The following TOP1 variants were observed in gnomAD, a reference collection of about 807,000 sequenced individuals.
TOP1 encodes the protein DNA topoisomerase 1.
TOP1 carries 10 observed loss-of-function variants against 111.1 expected under a neutral mutation model. The observed-to-expected ratio is 0.09, with a 90% CI of 0.06 to 0.15. TOP1 has a LOEUF of 0.15. TOP1 is among the 10% of genes least tolerant of loss of function. TOP1 has a pLI of 1.00. For missense variants in TOP1, 474 were observed against 926.7 expected (o/e 0.51, Z 6.34); for synonymous variants, 271 against 302.9 (o/e 0.89, Z 1.10).
chr20:41,072,523 TC>T, intron 3 of TOP1: 9 of 985,448 alleles, frequency 9.1e-6, no homozygotes, highest in Non-Finnish European at 9.6e-6. Context: ...TTTCTGACTT[TC>T]CTGGCACAGC....
rs145954716 is a variant in TOP1 at position 41,080,910 on chromosome 20, A to G, written c.432-255A>G. 1.5e-3 allele frequency among the ~76,000 whole-genome samples: 225 copies of G among 151,950 alleles called. 4 individuals are homozygous for G. The highest frequency in any genetic ancestry group is 0.013 in the East Asian group (67 of 5,178). ...CTGATAATGATATTTATTTCTGCAT[A>G]TATCCCCCCACCCTATTTTGCTTCC... is the stretch of plus-strand genomic sequence containing the variant. On this transcript the variant is annotated intron_variant, in intron 6 of 20. Coordinates refer to ENST00000361337, the MANE Select transcript of TOP1 (RefSeq NM_003286.4). The surrounding 1 kb of genome is among the most constrained non-coding windows in gnomAD (Gnocchi z 5.0).
chr20:41,076,419 A>G (rs2033728174), intron 4 of TOP1, 125 bp downstream of exon 4: 5 of 1,338,506 alleles, frequency 3.7e-6, no homozygotes, highest in Non-Finnish European at 5.0e-6. Flanking sequence ...TGTCAGGAGA[A>G]TTTAGAGCAA....
rs2034252089 is a variant in TOP1, at chr20:41,112,091, A to C, written c.1309-691A>C. Among the ~76,000 whole-genome samples, 1 of 152,184 alleles carries C rather than the reference A, an allele frequency of 6.6e-6. No individual in the cohort carries two copies. The highest frequency in any genetic ancestry group is 2.1e-4 in the South Asian group (1 of 4,832). ...CATAGTTTCTCTCAATCTCATCAAGAAATGCTTTTAAATGCAGAAGTTAGA... is the reference window on the plus strand; with the variant it reads ...CATAGTTTCTCTCAATCTCATCAAGCAATGCTTTTAAATGCAGAAGTTAGA... On this transcript the variant is annotated intron_variant, in intron 13 of 20. Transcript: ENST00000361337. The surrounding 1 kb of genome is among the most constrained non-coding windows in gnomAD (Gnocchi z 5.8).
chr20:41,032,606 C>G lies in TOP1; in HGVS notation c.58+3151C>G, dbSNP rs2033134776. On this transcript the variant is annotated intron_variant, in intron 2 of 20. Coordinates refer to ENST00000361337, the MANE Select transcript of TOP1 (RefSeq NM_003286.4). This position sits in a 1 kb window ranked among gnomAD's most constrained non-coding sequence, Gnocchi z 4.3. ...GCTATGGAGATAGGGAGTTCTCCCC[C>G]ATTTGACCCCCTTAGCAAAGCACAA... Among the ~76,000 whole-genome samples the G allele has an allele frequency of 6.6e-6, 1 of 152,192 alleles. No homozygotes were observed.
At chr20:41,075,161 C>T (rs1027898744) in intron 3 of TOP1, among the ~76,000 whole-genome samples, 2 of 152,016 alleles carry the variant, frequency 1.3e-5, no homozygotes, top group African/African-American at 2.4e-5. Flanking sequence ...AAATAAACCT[C>T]TTTTTAAAAT....
Position 41,083,560 on chromosome 20 carries a change from A to G in TOP1, c.508-902A>G, listed in dbSNP as rs575854947. Reference sequence around the variant, plus strand: ...TTCAAAGTCCTTGATTGTAACTGGAAGTGGTTAAATGAACCCATCCATACA... The same window carrying G: ...TTCAAAGTCCTTGATTGTAACTGGAGGTGGTTAAATGAACCCATCCATACA... On this transcript the variant is annotated intron_variant, in intron 7 of 20. Transcript: ENST00000361337. The surrounding 1 kb of genome is among the most constrained non-coding windows in gnomAD (Gnocchi z 7.2). 5.3e-5 allele frequency among the ~76,000 whole-genome samples: 8 copies of G among 152,322 alleles called. No homozygotes were observed. Among genetic ancestry groups the G allele is most frequent in the African/African-American group, 1.7e-4 (7 of 41,560 alleles).
At chr20:41,096,412 C>T (rs2033983475) in intron 9 of TOP1, among the ~76,000 whole-genome samples, 1 of 152,168 alleles carries the variant, frequency 6.6e-6, no homozygotes, top group South Asian at 2.1e-4. Context: ...ACCAGGAACC[C>T]CAGTCATCCC....
chr20:41,071,206 C>A lies in TOP1; in HGVS notation c.156-4965C>A, dbSNP rs1203867184. Among the ~76,000 whole-genome samples the A allele has an allele frequency of 6.6e-6, 1 of 152,082 alleles. No individual in the cohort carries two copies. Among genetic ancestry groups the A allele is most frequent in the African/African-American group, 2.4e-5 (1 of 41,384 alleles). ...TGGCTCCCTACTTCCACCGTTTCTC[C>A]CACTCTTCTATATAAGTGCCTTAGA... On this transcript the variant is annotated intron_variant, in intron 3 of 20. Coordinates refer to ENST00000361337, the MANE Select transcript of TOP1 (RefSeq NM_003286.4). This position sits in a 1 kb window ranked among gnomAD's most constrained non-coding sequence, Gnocchi z 4.3.
chr20:41,070,273 C>T (rs929905542), intron 3 of TOP1, among the ~76,000 whole-genome samples: 6 of 152,140 alleles, frequency 3.9e-5, no homozygotes, highest in Non-Finnish European at 5.9e-5. Flanking sequence ...GAATGGGTAT[C>T]GGTTTTGCCA....
At chr20:41,066,406 T>C (rs1290581217) in intron 3 of TOP1, among the ~76,000 whole-genome samples, 1 of 151,976 alleles carries the variant, frequency 6.6e-6, no homozygotes, top group Non-Finnish European at 1.5e-5. Flanking sequence ...ACCATGGGAG[T>C]CAATAAATAT....
Position 41,094,977 on chromosome 20 carries a change from A to C in TOP1, c.731-2243A>C, listed in dbSNP as rs750111478. Among the ~76,000 whole-genome samples, 1 of 152,212 alleles carries C rather than the reference A, an allele frequency of 6.6e-6. No homozygotes were observed. Among genetic ancestry groups the C allele is most frequent in the Non-Finnish European group, 1.5e-5 (1 of 68,034 alleles). On this transcript the variant is annotated intron_variant, in intron 9 of 20. Coordinates refer to ENST00000361337, the MANE Select transcript of TOP1 (RefSeq NM_003286.4). This position sits in a 1 kb window ranked among gnomAD's most constrained non-coding sequence, Gnocchi z 4.4. ...TTGACAGCTCATCTAAAATAGGAGG[A>C]GTCACAGTTGCTTCTCCCTCTATTA...
At chr20:41,053,664 C>T (rs2033433106) in intron 2 of TOP1, among the ~76,000 whole-genome samples, 3 of 152,222 alleles carry the variant, frequency 2.0e-5, no homozygotes, top group South Asian at 4.1e-4. Flanking sequence ...CATTATGATG[C>T]GATAGAAACT....
chr20:41,104,735 A>G (rs922979092), intron 13 of TOP1, among the ~76,000 whole-genome samples: 1 of 152,196 alleles, frequency 6.6e-6, no homozygotes, highest in Admixed American at 6.6e-5. Context: ...AAAGGCCTGG[A>G]AAAGTGGTGC....
At chr20:41,111,631 C>T (rs530706918) in intron 13 of TOP1, among the ~76,000 whole-genome samples, 1 of 118,708 alleles carries the variant, frequency 8.4e-6, no homozygotes, top group Non-Finnish European at 1.6e-5. Context: ...GGGTCATGCT[C>T]TGTTGCCCAG....
intron 3 of TOP1, chr20:41,072,560 A>G (rs1472231273): frequency 1.0e-6 from 1 of 985,224 alleles, no homozygotes; most frequent in East Asian, 1.1e-4. Context: ...GTATCATAGG[A>G]CTTGTTCCCC....
rs974339772 is a variant in TOP1 at position 41,029,242 on chromosome 20, C to T, written c.33+142C>T. 8.4e-5 allele frequency: 67 copies of T among 798,366 alleles called. No homozygotes were observed. In the Admixed American group the frequency reaches 1.2e-3, roughly 15 times the overall value. The allele number at this position is 798,366 out of a possible 1,614,324, so 49.5% of individuals were successfully genotyped here. The stretch of plus-strand genomic sequence containing the variant: ...TGAGGGGCCGCCTGCCGGAGTAGAT[C>T]GGCTCGCTAGGCCGCGAGCGAGGGC... On this transcript the variant is annotated intron_variant, in intron 1 of 20. Coordinates refer to ENST00000361337, the MANE Select transcript of TOP1 (RefSeq NM_003286.4). The surrounding 1 kb of genome is among the most constrained non-coding windows in gnomAD (Gnocchi z 6.1).
chr20:41,049,177 A>G (rs1485443522), intron 2 of TOP1, among the ~76,000 whole-genome samples: 1 of 152,210 alleles, frequency 6.6e-6, no homozygotes, highest in Admixed American at 6.5e-5. Flanking sequence ...ATAATAGCTG[A>G]CCACTAATCT....
chr20:41,045,831 A>G (rs2033326742), intron 2 of TOP1, among the ~76,000 whole-genome samples: 1 of 152,256 alleles, frequency 6.6e-6, no homozygotes, highest in Non-Finnish European at 1.5e-5. Flanking sequence ...TGCTTATAGT[A>G]AAAGCAGATC....
In TOP1 at chr20:41,112,904, A is replaced by G. The variant is rs183690455; in HGVS notation, c.1431A>G (p.Val477=). 3 of 1,614,214 alleles carry G rather than the reference A, an allele frequency of 1.9e-6. No individual in the cohort carries two copies. The East Asian group carries it at 6.7e-5, about 36-fold the overall frequency. ...AGATGAAAGTCCGGCAGAGAGCTGT[A>G]GCCCTGTACTTCATCGACAAGGTGA... ...SKEMKVRQRA[V]ALYFIDKLAL... is the part of the protein sequence containing the mutation. Residue 477 remains valine (V), a synonymous_variant, in exon 14 of 21, where the codon GTA becomes GTG. Transcript: ENST00000361337. This position sits in a 1 kb window ranked among gnomAD's most constrained non-coding sequence, Gnocchi z 5.8.
Sources: allele counts gnomAD v4.1 joint callset (sites outside exome capture counted in the v4.1 genomes callset), GRCh38; gene constraint gnomAD v4.1.1; non-coding constraint Gnocchi (gnomAD v3.1); transcripts MANE v1.5; gene names NCBI Gene and HGNC (gene_info 2026-07-23, HGNC 2026-07-21).